The following PDK1 variants were observed in gnomAD, a reference collection of about 807,000 sequenced individuals.
PDK1 encodes the protein [Pyruvate dehydrogenase (acetyl-transferring)] kinase isozyme 1, mitochondrial.
A neutral mutation model predicts 54.2 loss-of-function variants in PDK1; 39 were observed. The observed-to-expected ratio is 0.72, with a 90% confidence interval of 0.56 to 0.94. The LOEUF (loss-of-function observed/expected upper bound fraction) is 0.94. PDK1 is among the 40% of genes least tolerant of loss of function. PDK1 has a pLI of 0.00. For missense variants in PDK1, 552 were observed against 566.0 expected, an observed-to-expected ratio of 0.98 and a Z score of 0.25; for synonymous variants, 221 against 207.1, an observed-to-expected ratio of 1.07 and a Z score of -0.58.
intron 9 of PDK1, among the ~76,000 whole-genome samples, chr2:172,588,163 A>G (rs1183805070): frequency 6.6e-6 from 1 of 152,240 alleles, no homozygotes; most frequent in East Asian, 1.9e-4. Context: ...TCCATATGTC[A>G]AGGGGCAGAC....
the PDK1 span, among the ~76,000 whole-genome samples, chr2:172,646,205 G>T: frequency 6.6e-6 from 1 of 152,158 alleles, no homozygotes; most frequent in Non-Finnish European, 1.5e-5. Context: ...GTTGAAGAGT[G>T]ATTCTCATAC....
chr2:172,611,151 A>G (rs367963559), downstream of PDK1, among the ~76,000 whole-genome samples: 86 of 152,306 alleles, frequency 5.6e-4, 1 homozygote, highest in South Asian at 0.013. Context: ...ACATTCAGCA[A>G]TGGTTTAGAT....
At chr2:172,658,377 C>T in the PDK1 span, among the ~76,000 whole-genome samples, 1 of 152,256 alleles carries the variant, frequency 6.6e-6, no homozygotes, top group East Asian at 1.9e-4. Context: ...CTGTTATCTT[C>T]GTAAGCTGAG....
chr2:172,564,644 C>G lies in PDK1; in HGVS notation c.552C>G (p.Phe184Leu). 1 of 1,614,148 alleles carries G rather than the reference C, an allele frequency of 6.2e-7. No individual in the cohort carries two copies. The change falls in exon 4 of 11, where the codon TTC becomes TTG. Residue 184 changes from phenylalanine (F) to leucine (L), a missense_variant. Transcript: ENST00000282077. ...SQNVQYFLDR[F>L]YMSRISIRML... is the part of the protein sequence containing the mutation. ...ATGTTCAGTACTTTTTGGATCGATT[C>G]TACATGAGTCGCATTTCAATTAGAA...
At chr2:172,669,947 G>T in the PDK1 span, among the ~76,000 whole-genome samples, 50 of 152,082 alleles carry the variant, frequency 3.3e-4, 1 homozygote, top group African/African-American at 1.1e-3. Flanking sequence ...CTCCATCTGT[G>T]GGTTGCCTCT....
At chr2:172,689,573 G>T in the PDK1 span, among the ~76,000 whole-genome samples, 1 of 152,172 alleles carries the variant, frequency 6.6e-6, no homozygotes, top group Non-Finnish European at 1.5e-5. Flanking sequence ...CAAAGCTGGA[G>T]GGATCATGCT....
chr2:172,579,353 TG>T (rs1328132172), intron 8 of PDK1, among the ~76,000 whole-genome samples: 1 of 152,140 alleles, frequency 6.6e-6, no homozygotes, highest in Non-Finnish European at 1.5e-5. Flanking sequence ...GCATATTGAT[TG>T]GAGGGAGGGG....
chr2:172,690,412 A>C, the PDK1 span, among the ~76,000 whole-genome samples: 1 of 150,454 alleles, frequency 6.6e-6, no homozygotes. Context: ...GGGAGTGTAA[A>C]TTAGTTCAAC....
At chr2:172,712,282 T>C in the PDK1 span, among the ~76,000 whole-genome samples, 1 of 152,234 alleles carries the variant, frequency 6.6e-6, no homozygotes, top group African/African-American at 2.4e-5. Context: ...TTTACTATTA[T>C]TGTTGTCATG....
intron 10 of PDK1, among the ~76,000 whole-genome samples, chr2:172,593,355 C>A (rs1048070497): frequency 6.6e-6 from 1 of 151,936 alleles, no homozygotes; most frequent in Non-Finnish European, 1.5e-5. Flanking sequence ...ACATTGATAA[C>A]GCCAAACTTT....
the PDK1 span, among the ~76,000 whole-genome samples, chr2:172,696,856 T>C: frequency 6.6e-6 from 1 of 152,206 alleles, no homozygotes; most frequent in African/African-American, 2.4e-5. Context: ...GAAATTATTC[T>C]AAAGTGTTAC....
chr2:172,678,420 G>C, the PDK1 span, among the ~76,000 whole-genome samples: 5 of 152,072 alleles, frequency 3.3e-5, no homozygotes, highest in Admixed American at 3.3e-4. Context: ...GCAGTCTCTA[G>C]GGAGTGGGAT....
At chr2:172,633,234 G>C in the PDK1 span, among the ~76,000 whole-genome samples, 1 of 151,280 alleles carries the variant, frequency 6.6e-6, no homozygotes, top group East Asian at 2.0e-4. Flanking sequence ...TTTTTTTAGA[G>C]ATAGGGTCTC....
the PDK1 span, among the ~76,000 whole-genome samples, chr2:172,671,142 A>G: frequency 0.29 from 43,966 of 149,946 alleles, 8,027 homozygotes; most frequent in East Asian, 0.56. Flanking sequence ...TGCAACTGTT[A>G]TTCTGAGTAT....
At chr2:172,713,844 T>C in the PDK1 span, among the ~76,000 whole-genome samples, 5 of 152,288 alleles carry the variant, frequency 3.3e-5, 1 homozygote, top group Middle Eastern at 0.017. Context: ...CCCGGCTCCA[T>C]GGAGCGCACA....
the PDK1 span, among the ~76,000 whole-genome samples, chr2:172,721,627 C>T: frequency 2.0e-5 from 3 of 152,316 alleles, no homozygotes; most frequent in South Asian, 4.1e-4. Flanking sequence ...TGTCAGCCAC[C>T]GTGCCTGGCC....
downstream of PDK1, among the ~76,000 whole-genome samples, chr2:172,611,399 A>C (rs548967702): frequency 2.6e-4 from 40 of 152,226 alleles, no homozygotes; most frequent in Non-Finnish European, 5.1e-4. Context: ...AAAACTTCAA[A>C]AAAGGAATCT....
the PDK1 span, among the ~76,000 whole-genome samples, chr2:172,687,402 C>T: frequency 5.9e-3 from 894 of 152,044 alleles, 9 homozygotes; most frequent in African/African-American, 0.02. Flanking sequence ...ACAAATCCTT[C>T]TCTGAATATG....
intron 8 of PDK1, among the ~76,000 whole-genome samples, chr2:172,576,049 T>C (rs1689564259): frequency 6.6e-6 from 1 of 151,958 alleles, no homozygotes; most frequent in Non-Finnish European, 1.5e-5. Context: ...TGCCTCAGCC[T>C]CCCGAGTAGC....
Sources: gnomAD v4.1 joint callset for allele counts (sites outside exome capture counted in the v4.1 genomes callset) on GRCh38, gnomAD v4.1.1 for gene constraint, MANE v1.5 for transcripts, NCBI Gene and HGNC (gene_info 2026-07-23, HGNC 2026-07-21) for gene names.